The following STT3B variants were observed in gnomAD, a reference collection of about 807,000 sequenced individuals.
The protein encoded by STT3B is STT3 oligosaccharyltransferase complex catalytic subunit B, also known as dolichyl-diphosphooligosaccharide--protein glycosyltransferase subunit STT3B.
Under a neutral mutation model 96.8 loss-of-function variants are expected in STT3B, and 29 were observed. The observed-to-expected ratio is 0.30, with a 90% CI of 0.22 to 0.41. The LOEUF is 0.41. STT3B is among the 10% of genes least tolerant of loss of function. STT3B has a pLI of 1.00. For synonymous variants in STT3B, 367 were observed against 360.0 expected (o/e 1.02, Z -0.22); for missense variants, 640 against 1,022.3 (o/e 0.63, Z 5.10).
At chr3:31,536,007 TA>T (rs1407755445) in intron 1 of STT3B, among the ~76,000 whole-genome samples, 1 of 152,200 alleles carries the variant, frequency 6.6e-6, no homozygotes. Context: ...GAATCTAATA[TA>T]ATGTCTAATT....
chr3:31,570,857 G>A (rs1698119509), intron 1 of STT3B, among the ~76,000 whole-genome samples: 1 of 152,026 alleles, frequency 6.6e-6, no homozygotes, highest in African/African-American at 2.4e-5. Context: ...AGCTTTACAG[G>A]GATTCTTGCT....
chr3:31,533,454 C>T (rs1696996638), intron 1 of STT3B, 142 bp downstream of exon 1: 1 of 1,129,784 alleles, frequency 8.9e-7, no homozygotes, highest in Middle Eastern at 3.4e-4. Flanking sequence ...GCGCGGATCC[C>T]GGAGCTCCGG....
At chr3:31,592,876 A>T (rs1256477286) in intron 3 of STT3B, among the ~76,000 whole-genome samples, 2 of 152,202 alleles carry the variant, frequency 1.3e-5, no homozygotes, top group Admixed American at 1.3e-4. Flanking sequence ...AAAAAGTGCC[A>T]GCCCTTTAAA....
intron 10 of STT3B, among the ~76,000 whole-genome samples, chr3:31,623,132 T>C (rs1699464492): frequency 6.6e-6 from 1 of 152,178 alleles, no homozygotes; most frequent in Admixed American, 6.5e-5. Flanking sequence ...AGTTGTGACT[T>C]TTTCTATTCT....
intron 5 of STT3B, among the ~76,000 whole-genome samples, chr3:31,606,884 G>C (rs1352638200): frequency 6.6e-6 from 1 of 152,192 alleles, no homozygotes; most frequent in East Asian, 1.9e-4. Flanking sequence ...CAGGAGGGAG[G>C]CTGTACCCTG....
intron 3 of STT3B, among the ~76,000 whole-genome samples, chr3:31,592,416 CA>C (rs138415665): frequency 0.053 from 8,058 of 152,210 alleles, 726 homozygotes; most frequent in African/African-American, 0.18. Flanking sequence ...AATCTCTCTC[CA>C]AGACCTTGCT....
rs1475535312 is a variant in STT3B at position 31,637,004 on chromosome 3, A to G, written c.*940A>G. ...GCCTGGACTTTTTTCATTTTACAAC[A>G]GTTCATCCATTCACAATGATTTTGT... On this transcript the variant is annotated 3_prime_UTR_variant, in exon 16 of 16. Transcript: ENST00000295770. The G allele has an allele frequency of 2.0e-5, 3 of 152,192 alleles. No homozygotes were observed. The highest frequency in any genetic ancestry group is 2.9e-5 in the Non-Finnish European group (2 of 68,006). The allele number at this position is 152,192 out of a possible 1,614,324, so 9.4% of individuals were successfully genotyped here.
chr3:31,623,554 A>G (rs1378397666), intron 10 of STT3B, 120 bp from the exon 11 acceptor site: 9 of 741,092 alleles, frequency 1.2e-5, no homozygotes, highest in Non-Finnish European at 1.9e-5. Flanking sequence ...ATGGTTATAC[A>G]TTTTCTGAGT....
intron 1 of STT3B, among the ~76,000 whole-genome samples, chr3:31,552,650 T>G (rs2125440753): frequency 6.6e-6 from 1 of 152,322 alleles, no homozygotes; most frequent in East Asian, 1.9e-4. Flanking sequence ...ACACTTCTCC[T>G]CTTTTCCTGC....
intron 8 of STT3B, among the ~76,000 whole-genome samples, chr3:31,619,348 C>T (rs1268840319): frequency 6.6e-6 from 1 of 152,150 alleles, no homozygotes; most frequent in Admixed American, 6.5e-5. Context: ...TAATGAGACT[C>T]GTTGATGCAA....
intron 3 of STT3B, among the ~76,000 whole-genome samples, chr3:31,585,546 C>T (rs868519444): frequency 9.9e-5 from 15 of 151,980 alleles, no homozygotes; most frequent in Middle Eastern, 6.8e-3. Flanking sequence ...TATCATATTG[C>T]CTCTTACAGG....
At chr3:31,544,896 C>T (rs1697363498) in intron 1 of STT3B, among the ~76,000 whole-genome samples, 1 of 152,068 alleles carries the variant, frequency 6.6e-6, no homozygotes, top group Admixed American at 6.5e-5. Flanking sequence ...GAGATTGCAC[C>T]ACCGCACTCC....
intron 1 of STT3B, among the ~76,000 whole-genome samples, chr3:31,562,916 G>C (rs1184181761): frequency 6.6e-6 from 1 of 152,178 alleles, no homozygotes; most frequent in Non-Finnish European, 1.5e-5. Flanking sequence ...GTGCTTTCGC[G>C]TGGACTTCAG....
At chr3:31,629,527 TA>T (rs1699607745) in intron 14 of STT3B, 116 bp downstream of exon 14, 1 of 525,326 alleles carries the variant, frequency 1.9e-6, no homozygotes, top group South Asian at 3.1e-5. Context: ...GAAATGTGCT[TA>T]TCTAAATAGT....
intron 4 of STT3B, among the ~76,000 whole-genome samples, chr3:31,597,399 C>A (rs928026919): frequency 6.6e-6 from 1 of 151,984 alleles, no homozygotes; most frequent in Non-Finnish European, 1.5e-5. Context: ...ACCTCATGAT[C>A]TGCTGGCCTC....
At chr3:31,628,011 T>C (rs74280785) in intron 13 of STT3B, among the ~76,000 whole-genome samples, 3 of 147,268 alleles carry the variant, frequency 2.0e-5, no homozygotes, top group African/African-American at 7.6e-5. Flanking sequence ...CTACCCCCCC[T>C]AAAAAAAAAA....
chr3:31,605,263 A>G (rs1699025500), intron 5 of STT3B, among the ~76,000 whole-genome samples: 1 of 152,290 alleles, frequency 6.6e-6, no homozygotes, highest in South Asian at 2.1e-4. Flanking sequence ...GAGAAACATA[A>G]TGGAGAAATA....
intron 1 of STT3B, among the ~76,000 whole-genome samples, chr3:31,574,863 C>T (rs1014126058): frequency 6.6e-6 from 1 of 151,966 alleles, no homozygotes; most frequent in Admixed American, 6.6e-5. Context: ...GATGTGTATG[C>T]TCTGCGGAAA....
intron 5 of STT3B, among the ~76,000 whole-genome samples, chr3:31,601,156 T>C (rs894651586): frequency 6.6e-6 from 1 of 152,342 alleles, no homozygotes; most frequent in East Asian, 1.9e-4. Context: ...TCTCAGAAGT[T>C]AACCATAGAT....
Sources: gnomAD v4.1 joint callset for allele counts (sites outside exome capture counted in the v4.1 genomes callset) on GRCh38, gnomAD v4.1.1 for gene constraint, MANE v1.5 for transcripts, NCBI Gene and HGNC (gene_info 2026-07-23, HGNC 2026-07-21) for gene names.